FGF7: variants seen among roughly 807,000 people sequenced by gnomAD.
FGF7 encodes the protein FGF-7.
Under a neutral mutation model 20.5 loss-of-function variants are expected in FGF7, and 6 were observed. That is an observed-to-expected ratio of 0.29 (90% confidence interval 0.16 to 0.58). The LOEUF (loss-of-function observed/expected upper bound fraction) is 0.58, where lower values mean the gene tolerates loss of function less well. Among genes scored for constraint, FGF7 ranks in the 20% least tolerant of loss-of-function variants. The pLI, the probability that FGF7 is intolerant of heterozygous loss-of-function variation, is 0.90. For synonymous variants in FGF7, 64 were observed against 74.7 expected (o/e 0.86, Z 0.74); for missense variants, 144 against 228.8 (o/e 0.63, Z 2.39).
chr15:49,477,008 G>A (rs11070695), intron 2 of FGF7, among the ~76,000 whole-genome samples: 39,816 of 151,074 alleles, frequency 0.26, 5,867 homozygotes, highest in Non-Finnish European at 0.34. Flanking sequence ...TGCAGTGAGC[G>A]GAGATCCCGC....
chr15:49,481,724 T>C (rs1420601358), intron 2 of FGF7, among the ~76,000 whole-genome samples: 2 of 152,208 alleles, frequency 1.3e-5, no homozygotes, highest in Non-Finnish European at 1.5e-5. Flanking sequence ...GTTGTATGCA[T>C]TGTGATAATG....
At chr15:49,428,075 C>A (rs373777967) in intron 2 of FGF7, among the ~76,000 whole-genome samples, 141 of 151,916 alleles carry the variant, frequency 9.3e-4, no homozygotes, top group Non-Finnish European at 1.6e-3. Context: ...TATTAGTAGA[C>A]ATATAAATAA....
chr15:49,469,789 T>C (rs1051611557), intron 2 of FGF7, among the ~76,000 whole-genome samples: 1 of 152,124 alleles, frequency 6.6e-6, no homozygotes, highest in Non-Finnish European at 1.5e-5. Context: ...ATAGCAGTAA[T>C]GAGATTGAGA....
intron 2 of FGF7, among the ~76,000 whole-genome samples, chr15:49,448,863 GT>G (rs1416858080): frequency 6.6e-6 from 1 of 151,700 alleles, no homozygotes. Context: ...TTCTTTAGCA[GT>G]CGATTCCAAT....
chr15:49,428,697 A>G (rs2050335526), intron 2 of FGF7, among the ~76,000 whole-genome samples: 1 of 151,994 alleles, frequency 6.6e-6, no homozygotes, highest in Admixed American at 6.6e-5. Flanking sequence ...TGCTTTTGGT[A>G]TCCAATTACT....
In FGF7 at chr15:49,487,750, T is replaced by C. The variant is rs544144221; in HGVS notation, c.*3246T>C. 2.4e-4 allele frequency: 37 copies of C among 151,966 alleles called. No homozygotes were observed. Among genetic ancestry groups the C allele is most frequent in the Admixed American group, 4.6e-4 (7 of 15,232 alleles). The allele number at this position is 151,966 out of a possible 1,614,324, so 9.4% of individuals were successfully genotyped here. On this transcript the variant is annotated 3_prime_UTR_variant, in exon 4 of 4. Coordinates refer to ENST00000267843, the MANE Select transcript of FGF7 (RefSeq NM_002009.4). ...GCCCACCACAGACGGAACATTTCTTTTCTCTTAAGACTCATGTGATTTTTG... is the reference window on the plus strand; with the variant it reads ...GCCCACCACAGACGGAACATTTCTTCTCTCTTAAGACTCATGTGATTTTTG...
At chr15:49,427,301 T>C (rs2050213043) in intron 2 of FGF7, among the ~76,000 whole-genome samples, 1 of 152,046 alleles carries the variant, frequency 6.6e-6, no homozygotes. Context: ...CAATCATTAA[T>C]TGAATGAATG....
Position 49,467,654 on chromosome 15 carries a change from A to T in FGF7, c.287-15497A>T, listed in dbSNP as rs189150011. Among the ~76,000 whole-genome samples the T allele has an allele frequency of 2.0e-3, 310 of 152,228 alleles. 2 individuals are homozygous for T. The highest frequency in any genetic ancestry group is 7.2e-3 in the African/African-American group (301 of 41,550). ...TTCTGATAATTTTGGAGCCATTTTT[A>T]AAAAAACACAGTGTTGTATTTAGCA... On this transcript the variant is annotated intron_variant, in intron 2 of 3. Coordinates refer to ENST00000267843, the MANE Select transcript of FGF7 (RefSeq NM_002009.4).
At chr15:49,436,256 T>C (rs1567271478) in intron 2 of FGF7, among the ~76,000 whole-genome samples, 1 of 151,618 alleles carries the variant, frequency 6.6e-6, no homozygotes, top group African/African-American at 2.4e-5. Context: ...ACAATGTTGA[T>C]TGTTTTCTGA....
chr15:49,471,938 T>C (rs1023423797), intron 2 of FGF7, among the ~76,000 whole-genome samples: 7 of 152,058 alleles, frequency 4.6e-5, no homozygotes, highest in African/African-American at 1.7e-4. Context: ...ACAGTGAAGT[T>C]CTGGATAAGA....
chr15:49,429,860 G>A (rs998391924), intron 2 of FGF7, among the ~76,000 whole-genome samples: 1 of 151,860 alleles, frequency 6.6e-6, no homozygotes, highest in Non-Finnish European at 1.5e-5. Context: ...AGGTGGGAAG[G>A]ACCAGGCATT....
chr15:49,476,220 TTTTTGTTTTTGG>T lies in FGF7; in HGVS notation c.287-6926_287-6915del, dbSNP rs1376123888. On this transcript the variant is annotated intron_variant, in intron 2 of 3. Coordinates refer to ENST00000267843, the MANE Select transcript of FGF7 (RefSeq NM_002009.4). ...TTCCTATTTATTTTGCTGTTTTGTT[TTTTTGTTTTTGG>T]TTTTTTTTTTTTTGCATTTGGCATA... 4.7e-4 allele frequency among the ~76,000 whole-genome samples: 55 copies of T among 117,464 alleles called. 2 individuals are homozygous for T. The South Asian group carries it at 0.013, about 28-fold the overall frequency. 77.1% of individuals were successfully genotyped at this position (117,464 alleles called of 152,430 possible). A position where few individuals can be genotyped will look rare whatever the true frequency, so the allele number is the denominator to read the frequency against.
chr15:49,432,615 G>A (rs1004333784), intron 2 of FGF7, among the ~76,000 whole-genome samples: 1 of 151,460 alleles, frequency 6.6e-6, no homozygotes, highest in Non-Finnish European at 1.5e-5. Context: ...AGAACTAAAC[G>A]AAGTTGCCAC....
At chr15:49,427,786 A>G (rs1429016556) in intron 2 of FGF7, among the ~76,000 whole-genome samples, 1 of 151,952 alleles carries the variant, frequency 6.6e-6, no homozygotes, top group Non-Finnish European at 1.5e-5. Flanking sequence ...TAAAATATCT[A>G]GATGTATAAT....
intron 2 of FGF7, among the ~76,000 whole-genome samples, chr15:49,455,522 A>G (rs1456973370): frequency 6.6e-6 from 1 of 152,218 alleles, no homozygotes; most frequent in Non-Finnish European, 1.5e-5. Context: ...ACTACTCTGA[A>G]AAAGATAAGA....
intron 2 of FGF7, among the ~76,000 whole-genome samples, chr15:49,476,758 CAA>C (rs548306069): frequency 1.3e-5 from 2 of 151,744 alleles, no homozygotes; most frequent in Non-Finnish European, 2.9e-5. Flanking sequence ...TTTAGATTTA[CAA>C]AAAAAATTGA....
intron 2 of FGF7, among the ~76,000 whole-genome samples, chr15:49,460,347 G>A (rs2053681383): frequency 6.6e-6 from 1 of 152,124 alleles, no homozygotes; most frequent in Non-Finnish European, 1.5e-5. Context: ...CTTATGGAAG[G>A]TGAAGTTTGA....
intron 2 of FGF7, among the ~76,000 whole-genome samples, chr15:49,469,650 A>G (rs1278860565): frequency 3.9e-5 from 6 of 152,304 alleles, no homozygotes; most frequent in East Asian, 3.9e-4. Flanking sequence ...TGATTTTACT[A>G]TAAGGCAGAC....
chr15:49,464,349 T>G (rs1567327448), intron 2 of FGF7, among the ~76,000 whole-genome samples: 1 of 152,234 alleles, frequency 6.6e-6, no homozygotes, highest in African/African-American at 2.4e-5. Context: ...TGAATTAATA[T>G]TTTAAATAAA....
Sources: allele counts gnomAD v4.1 joint callset (sites outside exome capture counted in the v4.1 genomes callset), GRCh38; gene constraint gnomAD v4.1.1; transcripts MANE v1.5; gene names NCBI Gene and HGNC (gene_info 2026-07-23, HGNC 2026-07-21).